The following PCDHGA7 variants were observed in gnomAD, a reference collection of about 807,000 sequenced individuals.
PCDHGA7 encodes protocadherin gamma-A7.
In PCDHGA7, 44 loss-of-function variants were observed where a neutral mutation model predicts 58.3. That is an observed-to-expected ratio of 0.75 (90% CI 0.59 to 0.97). The LOEUF is 0.97. Ranked by LOEUF, PCDHGA7 falls within the 50% of genes least tolerant of loss-of-function variation. PCDHGA7 has a pLI of 0.00. For missense variants in PCDHGA7, 1,266 were observed against 1,188.7 expected, an observed-to-expected ratio of 1.06 and a Z score of -0.96; for synonymous variants, 516 against 504.2, an observed-to-expected ratio of 1.02 and a Z score of -0.31.
chr5:141,443,244 G>A (rs1277982376), intron 1 of PCDHGA7, among the ~76,000 whole-genome samples: 4 of 151,542 alleles, frequency 2.6e-5, no homozygotes, highest in African/African-American at 9.7e-5. Flanking sequence ...ACTTTGGGGC[G>A]CCAAGGCGGG....
intron 1 of PCDHGA7, among the ~76,000 whole-genome samples, chr5:141,456,944 C>G (rs1172050038): frequency 6.6e-6 from 1 of 152,138 alleles, no homozygotes; most frequent in Non-Finnish European, 1.5e-5. Context: ...GCCTGGGCAA[C>G]AGAGCAAAAC....
In PCDHGA7 at chr5:141,490,996, G is replaced by A; in HGVS notation, c.2425-3811G>A. ...GCGTCTCCCTCGCTCTGCTCCTCCT[G>A]GCTCCTTGGTCACCAAGGTGACAGC... is the stretch of plus-strand genomic sequence containing the variant. On this transcript the variant is annotated intron_variant, in intron 1 of 3. Transcript: ENST00000518325. This position sits in a 1 kb window ranked among gnomAD's most constrained non-coding sequence, Gnocchi z 5.4. The A allele has an allele frequency of 6.2e-7, 1 of 1,614,090 alleles. No individual in the cohort carries two copies. The highest frequency in any genetic ancestry group is 8.5e-7 in the Non-Finnish European group (1 of 1,180,028).
chr5:141,405,279 C>G, intron 1 of PCDHGA7: 1 of 1,614,144 alleles, frequency 6.2e-7, no homozygotes, highest in Non-Finnish European at 8.5e-7. Flanking sequence ...CCCAACTATG[C>G]AGACACACTC....
chr5:141,400,459 G>T, intron 1 of PCDHGA7: 1 of 1,614,072 alleles, frequency 6.2e-7, no homozygotes, highest in African/African-American at 1.3e-5. Context: ...CATACTTTGT[G>T]GTGATTCATC....
At chr5:141,415,396 G>C (rs11575962) in intron 1 of PCDHGA7, 2 of 1,614,204 alleles carry the variant, frequency 1.2e-6, no homozygotes, top group Non-Finnish European at 1.7e-6. Flanking sequence ...AGGTGTGTCC[G>C]GCTCGCACTT....
At chr5:141,474,426 C>T (rs2099349464) in intron 1 of PCDHGA7, among the ~76,000 whole-genome samples, 1 of 152,198 alleles carries the variant, frequency 6.6e-6, no homozygotes, top group Non-Finnish European at 1.5e-5. Context: ...ACCATTGGTC[C>T]TCACACTTTG....
chr5:141,498,805 C>T (rs1397026274), intron 2 of PCDHGA7, among the ~76,000 whole-genome samples: 1 of 152,000 alleles, frequency 6.6e-6, no homozygotes, highest in Non-Finnish European at 1.5e-5. Flanking sequence ...TGGTGGTGCA[C>T]ACCTGTAGTC....
At chr5:141,449,212 GT>G (rs1405401595) in intron 1 of PCDHGA7, among the ~76,000 whole-genome samples, 1 of 152,134 alleles carries the variant, frequency 6.6e-6, no homozygotes, top group African/African-American at 2.4e-5. Context: ...CTAACTTTCT[GT>G]TTTGAAATGA....
In PCDHGA7 at chr5:141,433,032, C is replaced by T. The variant is rs751061646; in HGVS notation, c.2424+47709C>T. The T allele has an allele frequency of 2.5e-6, 4 of 1,614,188 alleles. No homozygotes were observed. Among genetic ancestry groups the T allele is most frequent in the African/African-American group, 2.7e-5 (2 of 75,058 alleles). On this transcript the variant is annotated intron_variant, in intron 1 of 3. Transcript: ENST00000518325. ...CTGCAGACCTATTCCCACGAGGTTTCCCTCACCACGGACTCGCGGAAGAGT... is the reference window on the plus strand; with the variant it reads ...CTGCAGACCTATTCCCACGAGGTTTTCCTCACCACGGACTCGCGGAAGAGT...
At chr5:141,421,892 T>C in intron 1 of PCDHGA7, 1 of 1,613,684 alleles carries the variant, frequency 6.2e-7, no homozygotes, top group Non-Finnish European at 8.5e-7. Context: ...GGCGATCCCA[T>C]CCGAAAGGGC....
chr5:141,432,561 A>C lies in PCDHGA7; in HGVS notation c.2424+47238A>C, dbSNP rs746684751. On this transcript the variant is annotated intron_variant, in intron 1 of 3. Transcript: ENST00000518325. This position sits in a 1 kb window ranked among gnomAD's most constrained non-coding sequence, Gnocchi z 6.0. Reference sequence around the variant, plus strand: ...GCGGTGGACAGAGACTCCGGCCAGAACGCCTGGCTGTCCTACCGTCTGCTC... The same window carrying C: ...GCGGTGGACAGAGACTCCGGCCAGACCGCCTGGCTGTCCTACCGTCTGCTC... 37 of 1,613,308 alleles carry C rather than the reference A, an allele frequency of 2.3e-5. 1 individual carries two copies. The highest frequency in any genetic ancestry group is 2.7e-5 in the African/African-American group (2 of 74,712).
At chr5:141,400,332 T>TC (rs772688780) in intron 1 of PCDHGA7, 6 of 1,613,994 alleles carry the variant, frequency 3.7e-6, no homozygotes, top group South Asian at 3.3e-5. Flanking sequence ...GACCTGTGGT[T>TC]CCCCCCAACT....
intron 1 of PCDHGA7, among the ~76,000 whole-genome samples, chr5:141,437,842 A>G (rs1372385076): frequency 2.0e-5 from 3 of 150,650 alleles, no homozygotes; most frequent in East Asian, 3.9e-4. Context: ...GGTTCATGCT[A>G]TTCTCCTGCC....
In PCDHGA7 at chr5:141,410,693, A is replaced by AT. The variant is rs774266569; in HGVS notation, c.2424+25374dup. On this transcript the variant is annotated intron_variant, in intron 1 of 3. Coordinates refer to ENST00000518325, the MANE Select transcript of PCDHGA7 (RefSeq NM_018920.4). ...TCTCATATTTTAGGCATACTACTTT[A>AT]TTTTCATATCTAGAATCATATGTTT... The AT allele has an allele frequency of 1.1e-5, 17 of 1,496,786 alleles. No homozygotes were observed. In the Admixed American group the frequency reaches 3.7e-4, roughly 33 times the overall value. The allele number at this position is 1,496,786 out of a possible 1,614,324, so 92.7% of individuals were successfully genotyped here.
At chr5:141,389,571 C>T (rs2091830159) in intron 1 of PCDHGA7, 2 of 1,613,136 alleles carry the variant, frequency 1.2e-6, no homozygotes, top group East Asian at 2.2e-5. Context: ...GGTGCTGTAC[C>T]CCGCGCTGGG....
rs539038497 is a variant in PCDHGA7 at position 141,420,464 on chromosome 5, C to T, written c.2424+35141C>T. 2.0e-4 allele frequency: 164 copies of T among 801,490 alleles called. 1 individual carries two copies. In the South Asian group the frequency reaches 6.4e-3, roughly 31 times the overall value. 49.6% of individuals were successfully genotyped at this position (801,490 alleles called of 1,614,324 possible). ...CCTCAGTCTTCCTACTATTCAAAGA[C>T]ATTTTAAAGCAAACTACATGGGTAA... On this transcript the variant is annotated intron_variant, in intron 1 of 3. Transcript: ENST00000518325.
chr5:141,475,679 T>A (rs967189869), intron 1 of PCDHGA7, among the ~76,000 whole-genome samples: 2 of 152,236 alleles, frequency 1.3e-5, no homozygotes, highest in African/African-American at 4.8e-5. Flanking sequence ...GAGTCTTGAT[T>A]TGGATTGGAG....
chr5:141,472,095 C>T (rs1186697747), intron 1 of PCDHGA7, among the ~76,000 whole-genome samples: 1 of 151,998 alleles, frequency 6.6e-6, no homozygotes, highest in African/African-American at 2.4e-5. Flanking sequence ...TATTATTATT[C>T]CCATTTTATA....
chr5:141,497,032 T>C (rs1206131945), intron 2 of PCDHGA7, among the ~76,000 whole-genome samples: 1 of 151,652 alleles, frequency 6.6e-6, no homozygotes, highest in East Asian at 1.9e-4. Flanking sequence ...CGATTAAAAA[T>C]ACAAAAATTA....
Sources: allele counts gnomAD v4.1 joint callset (sites outside exome capture counted in the v4.1 genomes callset), GRCh38; gene constraint gnomAD v4.1.1; non-coding constraint Gnocchi (gnomAD v3.1); transcripts MANE v1.5; gene names NCBI Gene and HGNC (gene_info 2026-07-23, HGNC 2026-07-21).